Variants in MAP2K4 observed in about 807,000 individuals in gnomAD.
MAP2K4 encodes dual specificity mitogen-activated protein kinase kinase 4.
Under a neutral mutation model 48.5 loss-of-function variants are expected in MAP2K4, and 4 were observed. That is an observed-to-expected ratio of 0.08 (90% CI 0.04 to 0.19). The LOEUF is 0.19. Ranked by LOEUF, MAP2K4 falls within the 10% of genes least tolerant of loss-of-function variation. MAP2K4 has a pLI of 1.00. For missense variants in MAP2K4, 258 were observed against 493.3 expected, an observed-to-expected ratio of 0.52 and a Z score of 4.52; for synonymous variants, 166 against 173.1, an observed-to-expected ratio of 0.96 and a Z score of 0.32.
At chr17:12,062,100 A>C in intron 2 of MAP2K4, among the ~76,000 whole-genome samples, 1 of 136,246 alleles carries the variant, frequency 7.3e-6, no homozygotes, top group African/African-American at 2.8e-5. Context: ...CTATCCATCC[A>C]TACTCTTGCT....
intron 1 of MAP2K4, among the ~76,000 whole-genome samples, chr17:12,025,155 A>C (rs1249937952): frequency 6.6e-6 from 1 of 152,234 alleles, no homozygotes; most frequent in African/African-American, 2.4e-5. Flanking sequence ...TGTAAAGAGC[A>C]CTGGACTTAG....
At position 12,104,770 on chromosome 17, in the gene MAP2K4, T is replaced by C. The variant is rs78822725; in HGVS notation, c.514-3020T>C. 1.2e-4 allele frequency among the ~76,000 whole-genome samples: 19 copies of C among 152,238 alleles called. 1 individual carries two copies. The East Asian group carries it at 3.7e-3, about 29-fold the overall frequency. On this transcript the variant is annotated intron_variant, in intron 4 of 10. Coordinates refer to ENST00000353533, the MANE Select transcript of MAP2K4 (RefSeq NM_003010.4). ...ATGGGGTTAAATTTAACAGGTCTTA[T>C]CCTTTGTGATTTGTTGTTTTTATGT...
rs1004674744 is a variant in MAP2K4, at chr17:12,142,943, C to G, written c.*1683C>G. 7 of 232,714 alleles carry G rather than the reference C, an allele frequency of 3.0e-5. No homozygotes were observed. The highest frequency in any genetic ancestry group is 5.9e-5 in the Non-Finnish European group (7 of 117,770). The allele number at this position is 232,714 out of a possible 1,614,324, so 14.4% of individuals were successfully genotyped here. A position where few individuals can be genotyped will look rare whatever the true frequency, so the allele number is the denominator to read the frequency against. ...ATCGTGGCACGTATTGCTGTGTCTC[C>G]TCTCAGAGTGACAGTCATAAATACT... On this transcript the variant is annotated 3_prime_UTR_variant, in exon 11 of 11. Coordinates refer to ENST00000353533, the MANE Select transcript of MAP2K4 (RefSeq NM_003010.4).
intron 1 of MAP2K4, among the ~76,000 whole-genome samples, chr17:12,043,581 G>T (rs1021409755): frequency 1.3e-5 from 2 of 152,010 alleles, no homozygotes; most frequent in Non-Finnish European, 2.9e-5. Flanking sequence ...CCCCCATCAA[G>T]TTTGATAATT....
chr17:12,039,313 T>C (rs987512490), intron 1 of MAP2K4, among the ~76,000 whole-genome samples: 1 of 152,226 alleles, frequency 6.6e-6, no homozygotes, highest in Non-Finnish European at 1.5e-5. Context: ...CTGATGCTTT[T>C]AGCAAAATTT....
intron 2 of MAP2K4, among the ~76,000 whole-genome samples, chr17:12,072,191 GAGTA>G (rs1367517472): frequency 6.6e-6 from 1 of 152,202 alleles, no homozygotes; most frequent in Non-Finnish European, 1.5e-5. Flanking sequence ...GGTTCACTAA[GAGTA>G]AGTAAGCAGT....
intron 4 of MAP2K4, among the ~76,000 whole-genome samples, chr17:12,101,628 T>C (rs1415957095): frequency 3.3e-5 from 5 of 152,158 alleles, no homozygotes; most frequent in African/African-American, 1.2e-4. Flanking sequence ...AGCATTGATA[T>C]CTTAACAGTA....
At chr17:12,137,486 T>C (rs1973243172) in intron 9 of MAP2K4, among the ~76,000 whole-genome samples, 1 of 152,150 alleles carries the variant, frequency 6.6e-6, no homozygotes, top group Non-Finnish European at 1.5e-5. Flanking sequence ...GCTGTTGATA[T>C]AAAAGACACA....
rs546036654 is a variant in MAP2K4, at chr17:12,131,497, G to A, written c.1040+2210G>A. On this transcript the variant is annotated intron_variant, in intron 9 of 10. Transcript: ENST00000353533. ...TCTGACCTCGTGATCTGCCCGCCTCGACCTCCCAGAGCGCTGGGATTACAG... is the reference window on the plus strand; with the variant it reads ...TCTGACCTCGTGATCTGCCCGCCTCAACCTCCCAGAGCGCTGGGATTACAG... Among the ~76,000 whole-genome samples, 29 of 151,174 alleles carry A rather than the reference G, an allele frequency of 1.9e-4. 1 individual carries two copies. The highest frequency in any genetic ancestry group is 2.8e-4 in the Non-Finnish European group (19 of 67,892).
At chr17:12,082,362 A>G (rs913562273) in intron 3 of MAP2K4, among the ~76,000 whole-genome samples, 8 of 152,218 alleles carry the variant, frequency 5.3e-5, no homozygotes, top group African/African-American at 1.7e-4. Flanking sequence ...AAACAAAGGA[A>G]AAAAAGCTAG....
intron 2 of MAP2K4, among the ~76,000 whole-genome samples, chr17:12,057,020 A>T (rs1254005152): frequency 6.6e-6 from 1 of 152,180 alleles, no homozygotes; most frequent in Admixed American, 6.5e-5. Context: ...TGAAGTTAAG[A>T]TATGTCACAG....
chr17:12,066,196 TATC>T (rs1488645981), intron 2 of MAP2K4, among the ~76,000 whole-genome samples: 3 of 151,954 alleles, frequency 2.0e-5, no homozygotes, highest in Non-Finnish European at 4.4e-5. Flanking sequence ...CCCATTATCT[TATC>T]ATCCAGGTAG....
intron 4 of MAP2K4, among the ~76,000 whole-genome samples, chr17:12,105,795 C>T (rs1045505315): frequency 6.6e-6 from 1 of 151,990 alleles, no homozygotes; most frequent in African/African-American, 2.4e-5. Context: ...TATCTCATTG[C>T]TCTTTTCTGT....
At position 12,141,176 on chromosome 17, in the gene MAP2K4, A is replaced by G. The variant is rs1420343167; in HGVS notation, c.1116A>G (p.Glu372=). 6.2e-7 allele frequency: 1 copy of G among 1,613,522 alleles called. No individual in the cohort carries two copies. Among genetic ancestry groups the G allele is most frequent in the Non-Finnish European group, 8.5e-7 (1 of 1,179,504 alleles). Residue 372 remains glutamate, a synonymous_variant, in exon 11 of 11, where the codon GAA becomes GAG. Transcript: ENST00000353533. ...ATCCCTTTATTTTGATGTATGAAGA[A>G]CGTGCCGTTGAGGTCGCATGCTATG... ...LKHPFILMYE[E]RAVEVACYVC...
At chr17:12,066,309 A>C (rs1286671152) in intron 2 of MAP2K4, among the ~76,000 whole-genome samples, 1 of 152,130 alleles carries the variant, frequency 6.6e-6, no homozygotes, top group Non-Finnish European at 1.5e-5. Context: ...CATGCCCTTA[A>C]TATTTATCTC....
rs1004674744 is a variant in MAP2K4 at position 12,142,943 on chromosome 17, C to T, written c.*1683C>T. 5 of 232,832 alleles carry T rather than the reference C, an allele frequency of 2.1e-5. No homozygotes were observed. The East Asian group carries it at 3.0e-4, about 14-fold the overall frequency. 14.4% of individuals were successfully genotyped at this position (232,832 alleles called of 1,614,324 possible). The stretch of plus-strand genomic sequence containing the variant: ...ATCGTGGCACGTATTGCTGTGTCTC[C>T]TCTCAGAGTGACAGTCATAAATACT... On this transcript the variant is annotated 3_prime_UTR_variant, in exon 11 of 11. Transcript: ENST00000353533.
rs143198228 is a variant in MAP2K4 at position 12,119,476 on chromosome 17, T to A, written c.814-5818T>A. ...ACCAGTCAGAATGGCTGTTAAAAAA[T>A]GTCAAAACAACAGATGCTGGTGAGG... On this transcript the variant is annotated intron_variant, in intron 7 of 10. Transcript: ENST00000353533. 6.3e-3 allele frequency among the ~76,000 whole-genome samples: 955 copies of A among 152,172 alleles called. 2 individuals are homozygous for A. The highest frequency in any genetic ancestry group is 0.036 in the East Asian group (187 of 5,176).
rs941346898 is a variant in MAP2K4, at chr17:12,081,693, T to C, written c.393+163T>C. 2.0e-5 allele frequency among the ~76,000 whole-genome samples: 3 copies of C among 152,218 alleles called. No individual in the cohort carries two copies. Among genetic ancestry groups the C allele is most frequent in the African/African-American group, 4.8e-5 (2 of 41,452 alleles). On this transcript the variant is annotated intron_variant, in intron 3 of 10. Transcript: ENST00000353533. The surrounding 1 kb of genome is among the most constrained non-coding windows in gnomAD (Gnocchi z 4.2). ...GGGTGTTCTGTGTAGAGGTTTCTTA[T>C]TGGTGGCACATTTTCTATCTCTTTG... is the stretch of plus-strand genomic sequence containing the variant.
At chr17:12,084,156 A>G (rs185083300) in intron 3 of MAP2K4, among the ~76,000 whole-genome samples, 23 of 152,350 alleles carry the variant, frequency 1.5e-4, no homozygotes, top group Admixed American at 9.1e-4. Context: ...TATAAGAAAT[A>G]TTTGAAAAAG....
Sources: allele counts gnomAD v4.1 joint callset (sites outside exome capture counted in the v4.1 genomes callset), GRCh38; gene constraint gnomAD v4.1.1; non-coding constraint Gnocchi (gnomAD v3.1); transcripts MANE v1.5; gene names NCBI Gene and HGNC (gene_info 2026-07-23, HGNC 2026-07-21).